The following ADAMTS18 variants were observed in gnomAD, a reference collection of about 807,000 sequenced individuals.
ADAMTS18 encodes the protein A disintegrin and metalloproteinase with thrombospondin motifs 18.
ADAMTS18 carries 157 observed loss-of-function variants against 165.9 expected under a neutral mutation model. The observed-to-expected ratio is 0.95, with a 90% CI of 0.83 to 1.08. ADAMTS18 has a LOEUF of 1.08. Among genes scored for constraint, ADAMTS18 ranks in the 50% least tolerant of loss-of-function variants. ADAMTS18 has a pLI of 0.00. For missense variants in ADAMTS18, 2,040 were observed against 1,534.0 expected, an observed-to-expected ratio of 1.33 and a Z score of -5.51; for synonymous variants, 782 against 578.2, an observed-to-expected ratio of 1.35 and a Z score of -5.06.
intron 3 of ADAMTS18, among the ~76,000 whole-genome samples, chr16:77,416,365 G>T (rs528822555): frequency 6.6e-6 from 1 of 152,102 alleles, no homozygotes; most frequent in Non-Finnish European, 1.5e-5. Flanking sequence ...ATACTGATAC[G>T]GTTGGGCTAT....
At chr16:77,400,424 T>TTGTGTGTGTGTG (rs145473637) in intron 3 of ADAMTS18, among the ~76,000 whole-genome samples, 55 of 136,084 alleles carry the variant, frequency 4.0e-4, no homozygotes, top group African/African-American at 1.2e-3. Flanking sequence ...TCAGGGGGAA[T>TTGTGTGTGTGTG]TGTGTGTGTG....
chr16:77,342,014 G>A (rs2056405983), intron 10 of ADAMTS18, among the ~76,000 whole-genome samples: 1 of 152,188 alleles, frequency 6.6e-6, no homozygotes, highest in African/African-American at 2.4e-5. Flanking sequence ...ATTCATGTGT[G>A]TTTTGTAACA....
intron 16 of ADAMTS18, among the ~76,000 whole-genome samples, chr16:77,303,222 C>T (rs1302461326): frequency 1.3e-5 from 2 of 152,112 alleles, no homozygotes; most frequent in South Asian, 2.1e-4. Flanking sequence ...GAAATGCACT[C>T]GTGTGGTTGA....
intron 7 of ADAMTS18, 143 bp from the exon 8 acceptor site, chr16:77,359,566 A>G (rs892340687): frequency 5.1e-5 from 33 of 648,304 alleles, no homozygotes; most frequent in Non-Finnish European, 8.6e-5. Flanking sequence ...AAAAAAAAAA[A>G]GATCTATAGT....
At chr16:77,362,332 T>A in intron 6 of ADAMTS18, 68 bp from the exon 7 acceptor site, 1 of 1,542,856 alleles carries the variant, frequency 6.5e-7, no homozygotes, top group Non-Finnish European at 8.9e-7. Context: ...ATCATTCCAT[T>A]TGTACAGGCA....
intron 7 of ADAMTS18, among the ~76,000 whole-genome samples, chr16:77,361,337 G>C (rs1286986921): frequency 2.0e-5 from 3 of 152,104 alleles, no homozygotes; most frequent in Non-Finnish European, 2.9e-5. Context: ...GAATATACTA[G>C]AATATAGTAT....
intron 2 of ADAMTS18, among the ~76,000 whole-genome samples, chr16:77,433,038 GT>G (rs1197797462): frequency 1.3e-5 from 2 of 152,060 alleles, no homozygotes; most frequent in Non-Finnish European, 2.9e-5. Flanking sequence ...GGGGGGAAAA[GT>G]TTTTCCCCTC....
chr16:77,343,251 T>G (rs547297687), intron 10 of ADAMTS18, among the ~76,000 whole-genome samples: 152 of 152,276 alleles, frequency 1.0e-3, no homozygotes, highest in African/African-American at 3.5e-3. Context: ...TTTTTGTATT[T>G]TTAGTAGAGA....
intron 10 of ADAMTS18, among the ~76,000 whole-genome samples, chr16:77,349,488 T>G (rs569848604): frequency 4.0e-5 from 6 of 149,364 alleles, no homozygotes; most frequent in Non-Finnish European, 8.9e-5. Flanking sequence ...TTTCACTGCA[T>G]TTTTCCTCTG....
At chr16:77,316,083 T>C (rs1222050031) in intron 16 of ADAMTS18, among the ~76,000 whole-genome samples, 1 of 152,200 alleles carries the variant, frequency 6.6e-6, no homozygotes, top group Non-Finnish European at 1.5e-5. Context: ...GTAACTTTTC[T>C]AGCTTCCAGT....
chr16:77,390,406 C>T (rs1196953796), intron 3 of ADAMTS18, among the ~76,000 whole-genome samples: 2 of 152,072 alleles, frequency 1.3e-5, no homozygotes, highest in African/African-American at 2.4e-5. Context: ...AATCACCCCG[C>T]CCTTGCCAGG....
At chr16:77,392,015 AAC>A (rs746998001) in intron 3 of ADAMTS18, among the ~76,000 whole-genome samples, 1 of 152,182 alleles carries the variant, frequency 6.6e-6, no homozygotes, top group Non-Finnish European at 1.5e-5. Flanking sequence ...GTATCAGAAA[AAC>A]AGTCTCTCCA....
Position 77,353,875 on chromosome 16 carries a change from G to A in ADAMTS18, c.1472C>T (p.Ala491Val), listed in dbSNP as rs1458616586. ...YLKKFLSTPQAGCLVDEPKQA... is the reference protein window; with the variant it reads ...YLKKFLSTPQVGCLVDEPKQA... ...CTTGGGCTCATCCACTAGACACCCC[G>A]CCTGAGGTGTGCTGTAATGACAATA... The change falls in exon 10 of 23, where the codon GCG becomes GTG. Residue 491 changes from alanine to valine, a missense_variant. Coordinates refer to ENST00000282849, the MANE Select transcript of ADAMTS18 (RefSeq NM_199355.4). 12 of 1,614,104 alleles carry A rather than the reference G, an allele frequency of 7.4e-6. No individual in the cohort carries two copies. The highest frequency in any genetic ancestry group is 4.5e-5 in the East Asian group (2 of 44,868).
At chr16:77,396,398 T>C (rs746911637) in intron 3 of ADAMTS18, among the ~76,000 whole-genome samples, 1 of 152,186 alleles carries the variant, frequency 6.6e-6, no homozygotes, top group Non-Finnish European at 1.5e-5. Context: ...CTACAAAAAA[T>C]ATGACTGCAC....
rs140116550 is a variant in ADAMTS18 at position 77,354,090 on chromosome 16, T to C, written c.1461-204A>G. On this transcript the variant is annotated intron_variant, in intron 9 of 22. Transcript: ENST00000282849. ...GAATGTACACAGCCAGGAAGGGTTTTACAGGATGCTGAAAATTCTAGTCAT... is the reference window on the plus strand; with the variant it reads ...GAATGTACACAGCCAGGAAGGGTTTCACAGGATGCTGAAAATTCTAGTCAT... Among the ~76,000 whole-genome samples, 42 of 152,316 alleles carry C rather than the reference T, an allele frequency of 2.8e-4. 1 individual carries two copies. The highest frequency in any genetic ancestry group is 9.9e-4 in the African/African-American group (41 of 41,582).
intron 3 of ADAMTS18, among the ~76,000 whole-genome samples, chr16:77,412,672 G>A (rs1240419556): frequency 6.6e-6 from 1 of 152,124 alleles, no homozygotes; most frequent in Admixed American, 6.6e-5. Context: ...TTACATGGCA[G>A]CAGGCAAGAG....
At position 77,364,532 on chromosome 16, in the gene ADAMTS18, G is replaced by A. The variant is rs535572331; in HGVS notation, c.779-151C>T. The A allele has an allele frequency of 4.1e-5, 34 of 821,318 alleles. No homozygotes were observed. In the African/African-American group the frequency reaches 5.4e-4, roughly 13 times the overall value. 50.9% of individuals were successfully genotyped at this position (821,318 alleles called of 1,614,324 possible). ...AGTGATGCTATCAGTGCCTGCCCAG[G>A]TGCCTTGCATCTAGTATGTGGTCAA... is the stretch of plus-strand genomic sequence containing the variant. On this transcript the variant is annotated intron_variant, in intron 4 of 22. Transcript: ENST00000282849.
At chr16:77,394,419 G>C (rs947544644) in intron 3 of ADAMTS18, among the ~76,000 whole-genome samples, 3 of 152,090 alleles carry the variant, frequency 2.0e-5, no homozygotes, top group Non-Finnish European at 4.4e-5. Context: ...TTGGGGGCCG[G>C]CATGAGGATT....
At chr16:77,325,284 C>T (rs760205151) in intron 13 of ADAMTS18, among the ~76,000 whole-genome samples, 10 of 152,158 alleles carry the variant, frequency 6.6e-5, no homozygotes, top group Non-Finnish European at 1.2e-4. Context: ...AACTCTTCTG[C>T]TGTAACTAAT....
Sources: gnomAD v4.1 joint callset for allele counts (sites outside exome capture counted in the v4.1 genomes callset) on GRCh38, gnomAD v4.1.1 for gene constraint, MANE v1.5 for transcripts, NCBI Gene and HGNC (gene_info 2026-07-23, HGNC 2026-07-21) for gene names.